MAPKAP1: variants seen among roughly 807,000 people sequenced by gnomAD.
MAPKAP1 encodes target of rapamycin complex 2 subunit MAPKAP1.
A neutral mutation model predicts 65.7 loss-of-function variants in MAPKAP1; 20 were observed. The observed-to-expected ratio is 0.30, with a 90% CI of 0.21 to 0.44. The LOEUF (loss-of-function observed/expected upper bound fraction) is 0.44. MAPKAP1 is among the 20% of genes least tolerant of loss of function. The pLI is 1.00. For synonymous variants in MAPKAP1, 222 were observed against 244.3 expected, an observed-to-expected ratio of 0.91 and a Z score of 0.85; for missense variants, 423 against 648.0, an observed-to-expected ratio of 0.65 and a Z score of 3.77.
chr9:125,524,665 G>C (rs922616244), intron 7 of MAPKAP1, among the ~76,000 whole-genome samples: 1 of 152,194 alleles, frequency 6.6e-6, no homozygotes, highest in Non-Finnish European at 1.5e-5. Context: ...TTTCTTGTTA[G>C]ATCTATTATC....
chr9:125,513,332 C>G (rs904759253), intron 7 of MAPKAP1: 4 of 117,288 alleles, frequency 3.4e-5, no homozygotes, highest in African/African-American at 1.2e-4. Flanking sequence ...ATCACCTGTG[C>G]AAGGAAAAAT....
chr9:125,662,410 A>G (rs1834212510), intron 3 of MAPKAP1, among the ~76,000 whole-genome samples: 2 of 152,176 alleles, frequency 1.3e-5, no homozygotes, highest in African/African-American at 2.4e-5. Context: ...CTGACTGGGC[A>G]CGGTGGCTCA....
intron 4 of MAPKAP1, among the ~76,000 whole-genome samples, chr9:125,594,391 G>T (rs1767251029): frequency 6.6e-6 from 1 of 152,160 alleles, no homozygotes; most frequent in Admixed American, 6.5e-5. Context: ...CAGACTCGGG[G>T]TCAGCTAGGC....
At chr9:125,546,446 C>T (rs533235036) in intron 6 of MAPKAP1, among the ~76,000 whole-genome samples, 16 of 152,194 alleles carry the variant, frequency 1.1e-4, no homozygotes, top group East Asian at 7.7e-4. Flanking sequence ...GTTTCCAAAA[C>T]GTAAGAGCAT....
chr9:125,665,443 A>G (rs970786542), intron 3 of MAPKAP1, among the ~76,000 whole-genome samples: 1 of 152,040 alleles, frequency 6.6e-6, no homozygotes, highest in Non-Finnish European at 1.5e-5. Flanking sequence ...AGTTCTTTGT[A>G]ATTCTCCCCA....
At chr9:125,538,375 T>C (rs1254001778) in intron 7 of MAPKAP1, among the ~76,000 whole-genome samples, 2 of 152,166 alleles carry the variant, frequency 1.3e-5, no homozygotes, top group African/African-American at 2.4e-5. Context: ...GTAAAACTGA[T>C]AAGACTTGCT....
chr9:125,544,261 G>A (rs1251952954), intron 6 of MAPKAP1, among the ~76,000 whole-genome samples: 1 of 152,158 alleles, frequency 6.6e-6, no homozygotes, highest in East Asian at 1.9e-4. Context: ...GCCTGCCTCA[G>A]CTGCCCAAAG....
chr9:125,478,736 TA>T (rs1474969813), intron 9 of MAPKAP1, among the ~76,000 whole-genome samples: 3 of 152,170 alleles, frequency 2.0e-5, no homozygotes, highest in Non-Finnish European at 4.4e-5. Flanking sequence ...GAAGTCTCCG[TA>T]TATCTGATGA....
intron 4 of MAPKAP1, among the ~76,000 whole-genome samples, chr9:125,614,250 C>T (rs929982914): frequency 2.0e-5 from 3 of 152,176 alleles, no homozygotes; most frequent in African/African-American, 7.2e-5. Context: ...GATATAAAAA[C>T]TAGAATATTT....
At chr9:125,693,818 T>TAC (rs201005835) in intron 1 of MAPKAP1, among the ~76,000 whole-genome samples, 28 of 134,710 alleles carry the variant, frequency 2.1e-4, no homozygotes, top group African/African-American at 2.9e-4. Context: ...CACACACATA[T>TAC]ACACACACAC....
At chr9:125,655,195 G>A (rs2131746420) in intron 4 of MAPKAP1, among the ~76,000 whole-genome samples, 1 of 152,036 alleles carries the variant, frequency 6.6e-6, no homozygotes, top group South Asian at 2.1e-4. Context: ...ACAAGACAGT[G>A]AATCATTAAA....
At chr9:125,593,149 C>T (rs915659769) in intron 4 of MAPKAP1, among the ~76,000 whole-genome samples, 4 of 151,234 alleles carry the variant, frequency 2.6e-5, no homozygotes, top group African/African-American at 9.7e-5. Flanking sequence ...ACTAAAAATA[C>T]AAAAATTAGC....
chr9:125,645,079 G>T (rs528418955), intron 4 of MAPKAP1, among the ~76,000 whole-genome samples: 3 of 152,052 alleles, frequency 2.0e-5, no homozygotes, highest in Non-Finnish European at 4.4e-5. Flanking sequence ...TTGTGTCTGC[G>T]CATAAAAAGT....
At chr9:125,458,932 C>T (rs1228433711) in intron 10 of MAPKAP1, among the ~76,000 whole-genome samples, 3 of 59,902 alleles carry the variant, frequency 5.0e-5, no homozygotes, top group Non-Finnish European at 5.9e-5. Context: ...CCACCTCCCT[C>T]CCGGACGGGG....
intron 1 of MAPKAP1, among the ~76,000 whole-genome samples, chr9:125,690,568 T>C (rs1442402331): frequency 6.6e-6 from 1 of 152,240 alleles, no homozygotes; most frequent in Non-Finnish European, 1.5e-5. Flanking sequence ...AGGATTGTTG[T>C]GAGGACTGAA....
intron 7 of MAPKAP1, among the ~76,000 whole-genome samples, chr9:125,528,745 G>C (rs1308157630): frequency 6.6e-6 from 1 of 151,528 alleles, no homozygotes; most frequent in African/African-American, 2.4e-5. Flanking sequence ...TACTTGGGAG[G>C]CTGAGGCAGG....
At chr9:125,656,414 G>T (rs1044247140) in intron 4 of MAPKAP1, among the ~76,000 whole-genome samples, 1 of 152,078 alleles carries the variant, frequency 6.6e-6, no homozygotes, top group Non-Finnish European at 1.5e-5. Context: ...GAAGTTCTTT[G>T]GAGGAAACTT....
chr9:125,521,446 C>G, intron 7 of MAPKAP1: 1 of 1,142,574 alleles, frequency 8.8e-7, no homozygotes, highest in Non-Finnish European at 1.1e-6. Context: ...TTATCTGTTG[C>G]TCTGTAAAGA....
At chr9:125,495,981 G>A (rs1225233728) in intron 8 of MAPKAP1, among the ~76,000 whole-genome samples, 2 of 152,214 alleles carry the variant, frequency 1.3e-5, no homozygotes, top group Non-Finnish European at 2.9e-5. Context: ...AATGGTGAAC[G>A]CTTGTATAGT....
Sources: allele counts gnomAD v4.1 joint callset (sites outside exome capture counted in the v4.1 genomes callset), GRCh38; gene constraint gnomAD v4.1.1; transcripts MANE v1.5; gene names NCBI Gene and HGNC (gene_info 2026-07-23, HGNC 2026-07-21).